Variants in TROAP observed in about 807,000 individuals in gnomAD.
TROAP encodes tastin.
TROAP carries 62 observed loss-of-function variants against 83.4 expected under a neutral mutation model. That is an observed-to-expected ratio of 0.74 (90% CI 0.61 to 0.92). TROAP has a LOEUF of 0.92. TROAP is among the 40% of genes least tolerant of loss of function. The pLI, the probability that TROAP is intolerant of heterozygous loss-of-function variation, is 0.00. For synonymous variants in TROAP, 352 were observed against 386.4 expected (o/e 0.91, Z 1.04); for missense variants, 876 against 985.1 (o/e 0.89, Z 1.48).
chr12:49,329,917 G>A lies in TROAP; in HGVS notation c.1225G>A (p.Gly409Arg). Reference sequence around the variant, plus strand: ...TTGTATAAGGTCACTGGAGGGTTCTGGGAAACCACCGGTGGCCACTCCTTC... The same window carrying A: ...TTGTATAAGGTCACTGGAGGGTTCTAGGAAACCACCGGTGGCCACTCCTTC... ...ESCIRSLEGS[G>R]KPPVATPSGP... Residue 409 changes from glycine to arginine, a missense_variant, in exon 12 of 15, where the codon GGG becomes AGG. This residue lies in a region of TROAP where 689 missense variants were observed against 722.6 expected (regional missense o/e 0.95). Coordinates refer to ENST00000257909, the MANE Select transcript of TROAP (RefSeq NM_005480.4). This position sits in a 1 kb window ranked among gnomAD's most constrained non-coding sequence, Gnocchi z 4.5. The A allele has an allele frequency of 1.2e-6, 2 of 1,614,022 alleles. No homozygotes were observed. Among genetic ancestry groups the A allele is most frequent in the Non-Finnish European group, 1.7e-6 (2 of 1,180,016 alleles).
intron 4 of TROAP, 27 bp from the exon 5 acceptor site, chr12:49,325,720 T>C: frequency 1.2e-6 from 2 of 1,613,270 alleles, no homozygotes; most frequent in Non-Finnish European, 1.7e-6. Flanking sequence ...TCCTGAGCAG[T>C]GCTGACAGCC....
chr12:49,330,311 C>T lies in TROAP; in HGVS notation c.1466C>T (p.Ser489Phe). ...GCCACAGAGCATAACTCTGGGACTT[C>T]CCACCTTCCTGGACTGTTAAAACAC... is the stretch of plus-strand genomic sequence containing the variant. ...LNATEHNSGT[S>F]HLPGLLKHSG... is the part of the protein sequence containing the mutation. Residue 489 changes from serine to phenylalanine, a missense_variant, in exon 13 of 15, where the codon TCC becomes TTC. Ser to Phe is a radical substitution (Grantham distance 155). This residue lies in a region of TROAP where 689 missense variants were observed against 722.6 expected (regional missense o/e 0.95). Transcript: ENST00000257909. 2.5e-6 allele frequency: 4 copies of T among 1,614,126 alleles called. No homozygotes were observed. The South Asian group carries it at 3.3e-5, about 13-fold the overall frequency.
chr12:49,327,751 A>T (rs1943521911), intron 8 of TROAP, among the ~76,000 whole-genome samples: 1 of 152,140 alleles, frequency 6.6e-6, no homozygotes, highest in Non-Finnish European at 1.5e-5. Context: ...CAGGTATAAA[A>T]TAAATAGTGT....
At chr12:49,327,167 G>A in intron 7 of TROAP, 42 bp from the exon 8 acceptor site, 1 of 1,608,884 alleles carries the variant, frequency 6.2e-7, no homozygotes, top group South Asian at 1.1e-5. Flanking sequence ...AAACTTTGGT[G>A]GGTGTTCTAG....
chr12:49,323,719 G>T lies in TROAP; in HGVS notation c.111G>T (p.Ser37=). The T allele has an allele frequency of 6.2e-7, 1 of 1,614,048 alleles. No individual in the cohort carries two copies. The highest frequency in any genetic ancestry group is 8.5e-7 in the Non-Finnish European group (1 of 1,180,026). The change falls in exon 2 of 15, where the codon TCG becomes TCT. Residue 37 remains serine (S), a synonymous_variant. Transcript: ENST00000257909. ...GCACGCCTTTCCCCACTGTTACATC[G>T]TGCGCCGTGGACCAGGAGAACCAAG... is the stretch of plus-strand genomic sequence containing the variant. ...QKRTPFPTVT[S]CAVDQENQDP... is the part of the protein sequence containing the mutation.
In TROAP at chr12:49,330,195, AG is replaced by A. The variant is rs1785394766; in HGVS notation, c.1355del (p.Gly452AlafsTer21). ...LLRQEVEGLV[G>X]GQCVPLNGGS... is the part of the protein sequence containing the mutation. ...TGAGACAGGAAGTAGAGGGGCTGGT[AG>A]GGGGCCAGTGTGTCCCTCTTAATGG... On this transcript the variant is annotated frameshift_variant, in exon 13 of 15. Transcript: ENST00000257909. LOFTEE classifies it high-confidence loss of function. The A allele has an allele frequency of 6.2e-7, 1 of 1,613,912 alleles. No individual in the cohort carries two copies. The highest frequency in any genetic ancestry group is 1.3e-5 in the African/African-American group (1 of 74,904).
chr12:49,325,883 T>C lies in TROAP; in HGVS notation c.632T>C (p.Leu211Pro), dbSNP rs1259738230. ...RTLCPQRLQA[L>P]ISPSGPSFHP... Reference sequence around the variant, plus strand: ...TTGTGCCCCCAGAGGCTACAGGCTCTGGTGAGTGCCCTTGAGGGGCTGATA... The same window carrying C: ...TTGTGCCCCCAGAGGCTACAGGCTCCGGTGAGTGCCCTTGAGGGGCTGATA... Residue 211 changes from leucine (L) to proline (P), a missense_variant and splice_region_variant, in exon 5 of 15, where the codon CTG becomes CCG. Transcript: ENST00000257909. 6.2e-7 allele frequency: 1 copy of C among 1,612,678 alleles called. No individual in the cohort carries two copies. The highest frequency in any genetic ancestry group is 8.5e-7 in the Non-Finnish European group (1 of 1,179,688).
At chr12:49,327,121 A>G in intron 7 of TROAP, 88 bp from the exon 8 acceptor site, 1 of 1,552,782 alleles carries the variant, frequency 6.4e-7, no homozygotes, top group Non-Finnish European at 8.8e-7. Context: ...CTATTAAACT[A>G]ATATACCCTC....
intron 3 of TROAP, 90 bp from the exon 4 acceptor site, chr12:49,325,410 CT>C: frequency 2.3e-6 from 3 of 1,302,308 alleles, no homozygotes; most frequent in Non-Finnish European, 3.1e-6. Context: ...GAATGAGTCT[CT>C]TGCTCACCTT....
In TROAP at chr12:49,323,667, G is replaced by C; in HGVS notation, c.59G>C (p.Ser20Thr). 6.2e-7 allele frequency: 1 copy of C among 1,614,114 alleles called. No homozygotes were observed. Among genetic ancestry groups the C allele is most frequent in the Non-Finnish European group, 8.5e-7 (1 of 1,180,030 alleles). ...PLLRGVSPTP[S>T]KIPVRSQKRT... ...CTCCGGGGTGTATCTCCTACCCCTA[G>C]CAAGATTCCGGTACGCTCTCAGAAA... is the stretch of plus-strand genomic sequence containing the variant. Residue 20 changes from serine to threonine, a missense_variant, in exon 2 of 15, where the codon AGC becomes ACC. Coordinates refer to ENST00000257909, the MANE Select transcript of TROAP (RefSeq NM_005480.4).
chr12:49,327,826 T>C (rs991784334), intron 8 of TROAP, among the ~76,000 whole-genome samples: 1 of 152,006 alleles, frequency 6.6e-6, no homozygotes. Flanking sequence ...TAAAGGAGAA[T>C]TGGGAGCAGG....
intron 3 of TROAP, 120 bp from the exon 4 acceptor site, chr12:49,325,381 A>T (rs537202746): frequency 9.9e-5 from 111 of 1,118,942 alleles, no homozygotes; most frequent in East Asian, 4.1e-4. Flanking sequence ...AAAAAAAAAA[A>T]AATAAGCCAA....
In TROAP at chr12:49,323,716, A is replaced by T. The variant is rs763238659; in HGVS notation, c.108A>T (p.Thr36=). Residue 36 remains threonine (T), a synonymous_variant, in exon 2 of 15, where the codon ACA becomes ACT. Coordinates refer to ENST00000257909, the MANE Select transcript of TROAP (RefSeq NM_005480.4). The stretch of plus-strand genomic sequence containing the variant: ...AACGCACGCCTTTCCCCACTGTTAC[A>T]TCGTGCGCCGTGGACCAGGAGAACC... ...SQKRTPFPTV[T]SCAVDQENQD... is the part of the protein sequence containing the mutation. 2 of 1,613,976 alleles carry T rather than the reference A, an allele frequency of 1.2e-6. No individual in the cohort carries two copies. Among genetic ancestry groups the T allele is most frequent in the Non-Finnish European group, 1.7e-6 (2 of 1,180,020 alleles).
In TROAP at chr12:49,330,627, G is replaced by T. The variant is rs1342178099; in HGVS notation, c.1782G>T (p.Arg594Ser). ...CCAGGCCCCTAGAGTCCTACTGTAG[G>T]ATTGAGCCTGAGATACCGGAGTCCT... is the stretch of plus-strand genomic sequence containing the variant. ...AEPRPLESYC[R>S]IEPEIPESSR... The change falls in exon 13 of 15, where the codon AGG (arginine) becomes AGT (serine). Residue 594 changes from arginine to serine, a missense_variant. Physicochemically the swap from Arg to Ser is moderately radical, Grantham distance 110 (BLOSUM62 -1). Coordinates refer to ENST00000257909, the MANE Select transcript of TROAP (RefSeq NM_005480.4). The T allele has an allele frequency of 1.2e-6, 2 of 1,612,792 alleles. No homozygotes were observed. Among genetic ancestry groups the T allele is most frequent in the African/African-American group, 2.7e-5 (2 of 74,904 alleles).
At chr12:49,326,543 T>A in intron 6 of TROAP, 125 bp from the exon 7 acceptor site, 1 of 1,127,384 alleles carries the variant, frequency 8.9e-7, no homozygotes, top group Non-Finnish European at 1.2e-6. Context: ...CAAGTGAGAA[T>A]AACATTTGTA....
At chr12:49,328,026 A>G (rs1943525677) in intron 8 of TROAP, among the ~76,000 whole-genome samples, 1 of 152,016 alleles carries the variant, frequency 6.6e-6, no homozygotes, top group Non-Finnish European at 1.5e-5. Flanking sequence ...TTTGAGGATC[A>G]GCAAAAAGGA....
rs767921135 is a variant in TROAP, at chr12:49,330,862, ATCT to A, written c.2021_2023del (p.Phe674del). The stretch of plus-strand genomic sequence containing the variant: ...GTGGGCTCCAGCAACCACCAGCCTG[ATCT>A]TCTCTTCCCAACACCCGCTTTGTGC... On this transcript the variant is annotated inframe_deletion, in exon 13 of 15. Transcript: ENST00000257909. 6.2e-6 allele frequency: 10 copies of A among 1,613,138 alleles called. No individual in the cohort carries two copies. The highest frequency in any genetic ancestry group is 2.2e-5 in the East Asian group (1 of 44,872).
chr12:49,330,353 CCT>C lies in TROAP; in HGVS notation c.1509_1510del (p.Cys504SerfsTer24). 6.2e-7 allele frequency: 1 copy of C among 1,614,162 alleles called. No homozygotes were observed. ...TTAAAACACTCAGGGCTGCCAAAGC[CCT>C]GTCTTCCAGAGGAGTGCGGGGAACC... is the stretch of plus-strand genomic sequence containing the variant. On this transcript the variant is annotated frameshift_variant, in exon 13 of 15. Transcript: ENST00000257909. LOFTEE classifies it high-confidence loss of function.
chr12:49,325,390 A>C, intron 3 of TROAP, 111 bp from the exon 4 acceptor site: 1 of 1,124,426 alleles, frequency 8.9e-7, no homozygotes, highest in Non-Finnish European at 1.2e-6. Context: ...AAAATAAGCC[A>C]AATTCAATTG....
Sources: allele counts gnomAD v4.1 joint callset (sites outside exome capture counted in the v4.1 genomes callset), GRCh38; gene constraint gnomAD v4.1.1; regional missense constraint gnomAD v4.1.1; non-coding constraint Gnocchi (gnomAD v3.1); transcripts MANE v1.5; gene names NCBI Gene and HGNC (gene_info 2026-07-23, HGNC 2026-07-21).